THOC5: variants seen among roughly 807,000 people sequenced by gnomAD.
THOC5 encodes THO complex subunit 5.
THOC5 carries 43 observed loss-of-function variants against 92.9 expected under a neutral mutation model. The observed-to-expected ratio is 0.46, with a 90% CI of 0.36 to 0.60. THOC5 has a LOEUF of 0.60. THOC5 is among the 20% of genes least tolerant of loss of function. THOC5 has a pLI of 0.00. For missense variants in THOC5, 659 were observed against 849.4 expected (o/e 0.78, Z 2.79); for synonymous variants, 296 against 320.1 (o/e 0.92, Z 0.80).
rs2063833097 is a variant in THOC5, at chr22:29,539,427, C to T, written c.502G>A (p.Glu168Lys). The change falls in exon 6 of 20, where the codon GAG becomes AAG. Residue 168 changes from glutamate (E) to lysine (K), a missense_variant. Physicochemically the swap from Glu to Lys is moderately conservative, Grantham distance 56. Coordinates refer to ENST00000490103, the MANE Select transcript of THOC5 (RefSeq NM_003678.5). ...DLVSLEEFYK[E>K]APPDISKAEV... ...GCCTTGCTGATATCTGGTGGAGCCT[C>T]CTTATAAAACTCCTCTAAACTGACC... is the stretch of plus-strand genomic sequence containing the variant. The T allele has an allele frequency of 1.9e-6, 3 of 1,614,126 alleles. No homozygotes were observed. The highest frequency in any genetic ancestry group is 1.7e-6 in the Non-Finnish European group (2 of 1,180,020).
chr22:29,535,704 G>C (rs2146522112), intron 7 of THOC5: 1 of 152,304 alleles, frequency 6.6e-6, no homozygotes, highest in South Asian at 2.1e-4. Flanking sequence ...CAGGTAACAA[G>C]AGAAAATTTA....
At chr22:29,531,143 G>A (rs756171100) in intron 8 of THOC5, 20 of 1,163,334 alleles carry the variant, frequency 1.7e-5, no homozygotes, top group Admixed American at 3.9e-5. Context: ...GAACAAAGGG[G>A]AGGGGAGGAC....
chr22:29,538,592 A>G (rs564407315), intron 6 of THOC5, among the ~76,000 whole-genome samples: 58 of 149,776 alleles, frequency 3.9e-4, no homozygotes, highest in African/African-American at 1.4e-3. Flanking sequence ...GAAGCCAGGA[A>G]TTCAAGACCA....
chr22:29,540,689 ATAG>A (rs1474636196), intron 5 of THOC5, among the ~76,000 whole-genome samples: 1 of 152,208 alleles, frequency 6.6e-6, no homozygotes, highest in East Asian at 1.9e-4. Flanking sequence ...TAATTTGGAA[ATAG>A]TTTAAGACTC....
chr22:29,519,779 C>T (rs113489767), intron 14 of THOC5, among the ~76,000 whole-genome samples: 6 of 152,106 alleles, frequency 3.9e-5, no homozygotes, highest in African/African-American at 9.6e-5. Flanking sequence ...ATTATAGGAA[C>T]GTGCCACCAC....
At chr22:29,524,202 A>G (rs1286297746) in intron 12 of THOC5, among the ~76,000 whole-genome samples, 2 of 152,184 alleles carry the variant, frequency 1.3e-5, no homozygotes, top group Non-Finnish European at 2.9e-5. Flanking sequence ...ACTTCGAATC[A>G]TAATTCTCCA....
At position 29,512,072 on chromosome 22, in the gene THOC5, G is replaced by C; in HGVS notation, c.1746C>G (p.Leu582=). 6.2e-7 allele frequency: 1 copy of C among 1,614,154 alleles called. No individual in the cohort carries two copies. The highest frequency in any genetic ancestry group is 8.5e-7 in the Non-Finnish European group (1 of 1,179,990). ...GYSSIPPVFQ[L]CLNWKGEKTN... ...TTTTCTCCCCTTTCCAGTTCAAACA[G>C]AGCTGGAAAACAGGTGGGATGGAGG... The change falls in exon 18 of 20, where the codon CTC becomes CTG. Residue 582 remains leucine, a synonymous_variant. Coordinates refer to ENST00000490103, the MANE Select transcript of THOC5 (RefSeq NM_003678.5).
At chr22:29,537,548 A>C (rs530018203) in intron 6 of THOC5, among the ~76,000 whole-genome samples, 1 of 152,238 alleles carries the variant, frequency 6.6e-6, no homozygotes, top group Admixed American at 6.5e-5. Flanking sequence ...CTGAGACAGG[A>C]GAATCGCTTA....
intron 9 of THOC5, 160 bp downstream of exon 9, chr22:29,529,002 C>A: frequency 1.5e-6 from 1 of 689,066 alleles, no homozygotes; most frequent in Admixed American, 2.8e-5. Flanking sequence ...CTTGTGACTC[C>A]GGGAAGTGAG....
Position 29,549,198 on chromosome 22 carries a change from A to G in THOC5, c.-11-40T>C, listed in dbSNP as rs182495637. 1.4e-4 allele frequency: 224 copies of G among 1,576,258 alleles called. No homozygotes were observed. The African/African-American group carries it at 2.6e-3, about 18-fold the overall frequency. On this transcript the variant is annotated intron_variant, in intron 1 of 19. Transcript: ENST00000490103. The stretch of plus-strand genomic sequence containing the variant: ...AAGTTTTTGAGATTCTTCTGGAGTC[A>G]TAACACTGAAGTCAAACTAGCAGTT...
At chr22:29,513,425 G>A (rs1043258777) in intron 17 of THOC5, among the ~76,000 whole-genome samples, 1 of 151,932 alleles carries the variant, frequency 6.6e-6, no homozygotes, top group African/African-American at 2.4e-5. Flanking sequence ...ACTGGGCATG[G>A]GGGGTCACGC....
chr22:29,531,958 G>A lies in THOC5; in HGVS notation c.720C>T (p.Ser240=), dbSNP rs749095259. The change falls in exon 8 of 20, where the codon TCC becomes TCT. Residue 240 remains serine (S), a synonymous_variant. Coordinates refer to ENST00000490103, the MANE Select transcript of THOC5 (RefSeq NM_003678.5). The part of the protein sequence containing the change: ...QPRLNSIMQA[S]LPVQEYLFMP... The stretch of plus-strand genomic sequence containing the variant: ...TAAACAGGTACTCCTGCACCGGAAG[G>A]GAAGCCTGCACACAAGAGACAGATT... The A allele has an allele frequency of 4.3e-6, 7 of 1,613,882 alleles. No homozygotes were observed. In the African/African-American group the frequency reaches 5.3e-5, roughly 12 times the overall value.
chr22:29,549,874 C>A (rs1039675580), intron 1 of THOC5, among the ~76,000 whole-genome samples: 1 of 152,046 alleles, frequency 6.6e-6, no homozygotes, highest in Non-Finnish European at 1.5e-5. Context: ...TCCCTATATC[C>A]TTCAAGACTA....
At chr22:29,511,494 A>G (rs1283598043) in intron 18 of THOC5, 198 bp from the exon 19 acceptor site, 3 of 565,560 alleles carry the variant, frequency 5.3e-6, no homozygotes, top group Non-Finnish European at 9.3e-6. Flanking sequence ...CCTGATTCTG[A>G]CCCATAGCTT....
intron 12 of THOC5, among the ~76,000 whole-genome samples, chr22:29,522,367 TAAATA>T (rs149441641): frequency 0.18 from 27,236 of 149,328 alleles, 2,623 homozygotes; most frequent in Middle Eastern, 0.24. Flanking sequence ...CTCAAAAAAA[TAAATA>T]AAATAAAATA....
chr22:29,505,978 GC>G lies in THOC5; in HGVS notation c.*2478del, dbSNP rs2063139073. 6.6e-6 allele frequency: 1 copy of G among 151,858 alleles called. No homozygotes were observed. Among genetic ancestry groups the G allele is most frequent in the Non-Finnish European group, 1.5e-5 (1 of 68,026 alleles). The allele number at this position is 151,858 out of a possible 1,614,324, so 9.4% of individuals were successfully genotyped here. ...GGATTCAAGCAATTCTCCTGCCTCA[GC>G]CTCCCGAGTGGCTGGGATTACAGGC... On this transcript the variant is annotated 3_prime_UTR_variant, in exon 20 of 20. Coordinates refer to ENST00000490103, the MANE Select transcript of THOC5 (RefSeq NM_003678.5).
rs190187174 is a variant in THOC5, at chr22:29,547,096, G to A, written c.96+1956C>T. Among the ~76,000 whole-genome samples, 541 of 151,936 alleles carry A rather than the reference G, an allele frequency of 3.6e-3. 7 individuals are homozygous for A. Among genetic ancestry groups the A allele is most frequent in the African/African-American group, 0.012 (516 of 41,436 alleles). On this transcript the variant is annotated intron_variant, in intron 2 of 19. Transcript: ENST00000490103. ...TGACCTCAAGTGGTTCACCTGCCTCGGCCTCCCAAAGTGCTAGGATTATAG... is the reference window on the plus strand; with the variant it reads ...TGACCTCAAGTGGTTCACCTGCCTCAGCCTCCCAAAGTGCTAGGATTATAG...
At chr22:29,527,454 A>T (rs950264622) in intron 11 of THOC5, among the ~76,000 whole-genome samples, 1 of 152,174 alleles carries the variant, frequency 6.6e-6, no homozygotes, top group East Asian at 1.9e-4. Context: ...ACCAGCAAAA[A>T]GAAAACCAGT....
At chr22:29,544,661 T>C in intron 2 of THOC5, 58 bp from the exon 3 acceptor site, 1 of 1,443,394 alleles carries the variant, frequency 6.9e-7, no homozygotes, top group South Asian at 1.5e-5. Context: ...CCTGCTGGGA[T>C]CAGGGACACT....
Sources: allele counts gnomAD v4.1 joint callset (sites outside exome capture counted in the v4.1 genomes callset), GRCh38; gene constraint gnomAD v4.1.1; transcripts MANE v1.5; gene names NCBI Gene and HGNC (gene_info 2026-07-23, HGNC 2026-07-21).